Variants in MAGI2 observed in about 807,000 individuals in gnomAD.
MAGI2 encodes the protein membrane associated guanylate kinase, WW and PDZ domain containing 2.
In MAGI2, 35 loss-of-function variants were observed where a neutral mutation model predicts 133.3. That is an observed-to-expected ratio of 0.26 (90% CI 0.20 to 0.35). The LOEUF is 0.35. MAGI2 is among the 10% of genes least tolerant of loss of function. MAGI2 has a pLI of 1.00. For missense variants in MAGI2, 1,636 were observed against 1,863.4 expected, an observed-to-expected ratio of 0.88 and a Z score of 2.25; for synonymous variants, 729 against 710.6, an observed-to-expected ratio of 1.03 and a Z score of -0.41.
intron 1 of MAGI2, among the ~76,000 whole-genome samples, chr7:79,222,437 C>T (rs1830510309): frequency 6.6e-6 from 1 of 151,884 alleles, no homozygotes; most frequent in African/African-American, 2.4e-5. Flanking sequence ...GACCTAGGAC[C>T]AAGGAAAACA....
rs150734840 is a variant in MAGI2 at position 78,426,470 on chromosome 7, C to T, written c.1046-57257G>A. Among the ~76,000 whole-genome samples, 874 of 151,594 alleles carry T rather than the reference C, an allele frequency of 5.8e-3. 27 individuals are homozygous for T. Among genetic ancestry groups the T allele is most frequent in the Admixed American group, 0.038 (585 of 15,220 alleles). On this transcript the variant is annotated intron_variant, in intron 6 of 21. Coordinates refer to ENST00000354212, the MANE Select transcript of MAGI2 (RefSeq NM_012301.4). ...GGGGACTGTTGTGGGGTGGGGGGAG[C>T]GCGGAGGGATAGCATTGGGAGATAT...
At chr7:78,595,297 T>C (rs1408341521) in intron 3 of MAGI2, among the ~76,000 whole-genome samples, 4 of 152,174 alleles carry the variant, frequency 2.6e-5, no homozygotes, top group Non-Finnish European at 5.9e-5. Context: ...ATATAACCTA[T>C]GGAAAGGCAA....
chr7:78,800,373 T>C lies in MAGI2; in HGVS notation c.419-173134A>G, dbSNP rs565609410. ...TCAGGGATCCAGGCCTTCCATATTGTGGCTCCCTTCTCCTCTAAGCCTTTG... is the reference window on the plus strand; with the variant it reads ...TCAGGGATCCAGGCCTTCCATATTGCGGCTCCCTTCTCCTCTAAGCCTTTG... On this transcript the variant is annotated intron_variant, in intron 2 of 21. Coordinates refer to ENST00000354212, the MANE Select transcript of MAGI2 (RefSeq NM_012301.4). 2.8e-4 allele frequency among the ~76,000 whole-genome samples: 42 copies of C among 152,256 alleles called. 1 individual carries two copies. The South Asian group carries it at 6.0e-3, about 22-fold the overall frequency.
intron 9 of MAGI2, among the ~76,000 whole-genome samples, chr7:78,285,235 C>T (rs184749898): frequency 1.3e-5 from 2 of 152,060 alleles, no homozygotes; most frequent in East Asian, 3.9e-4. Context: ...ATCTAGGTTA[C>T]GCATCCAAAA....
intron 1 of MAGI2, among the ~76,000 whole-genome samples, chr7:79,378,926 G>GTATATATATATATA (rs59388508): frequency 1.9e-4 from 18 of 94,588 alleles, no homozygotes; most frequent in African/African-American, 2.9e-4. Context: ...ATGTGTGTGT[G>GTATATATATATATA]TATATATATA....
At chr7:78,278,111 TCA>T (rs981209861) in intron 9 of MAGI2, among the ~76,000 whole-genome samples, 2 of 152,050 alleles carry the variant, frequency 1.3e-5, no homozygotes, top group African/African-American at 4.8e-5. Flanking sequence ...ATAAGGAAAC[TCA>T]CATCATTATT....
rs574320145 is a variant in MAGI2, at chr7:78,297,305, CA to C, written c.1409-40725del. Among the ~76,000 whole-genome samples, 211 of 149,382 alleles carry C rather than the reference CA, an allele frequency of 1.4e-3. 3 individuals carry two copies. Among genetic ancestry groups the C allele is most frequent in the African/African-American group, 5.0e-3 (199 of 39,716 alleles). ...TACCATCTCACACCAGTTAGAATGG[CA>C]ATCATTAAAAAGTCAGGAAACAACA... On this transcript the variant is annotated intron_variant, in intron 9 of 21. Transcript: ENST00000354212.
chr7:78,570,007 G>T (rs1034809226), intron 3 of MAGI2, among the ~76,000 whole-genome samples: 1 of 152,062 alleles, frequency 6.6e-6, no homozygotes, highest in African/African-American at 2.4e-5. Context: ...GTATTCTATT[G>T]CTTAGATATT....
At chr7:78,050,740 C>T (rs186611363) in intron 21 of MAGI2, among the ~76,000 whole-genome samples, 8 of 152,180 alleles carry the variant, frequency 5.3e-5, no homozygotes, top group African/African-American at 9.6e-5. Flanking sequence ...AAGGCATTCT[C>T]GGGGGCCTGT....
intron 1 of MAGI2, among the ~76,000 whole-genome samples, chr7:79,032,833 C>G (rs1419670169): frequency 1.5e-5 from 2 of 131,728 alleles, no homozygotes; most frequent in African/African-American, 6.6e-5. Flanking sequence ...AACTTTTAAA[C>G]TTTTCTAAAA....
chr7:78,674,034 A>T (rs1052691236), intron 2 of MAGI2, among the ~76,000 whole-genome samples: 2 of 152,184 alleles, frequency 1.3e-5, no homozygotes, highest in African/African-American at 4.8e-5. Context: ...CAAATGACCC[A>T]CTGGCTTAAA....
chr7:78,215,549 A>AT (rs994986036), intron 10 of MAGI2, among the ~76,000 whole-genome samples: 3 of 152,124 alleles, frequency 2.0e-5, no homozygotes, highest in African/African-American at 7.2e-5. Flanking sequence ...TAGAGTGATG[A>AT]TTTTTTGGGA....
At chr7:78,603,583 C>T (rs570618675) in intron 3 of MAGI2, among the ~76,000 whole-genome samples, 66 of 152,220 alleles carry the variant, frequency 4.3e-4, no homozygotes, top group Middle Eastern at 3.4e-3. Flanking sequence ...GAGTGCACGA[C>T]GCGATGTCAG....
chr7:79,422,676 T>TC (rs553366550), intron 1 of MAGI2, among the ~76,000 whole-genome samples: 20 of 152,180 alleles, frequency 1.3e-4, no homozygotes, highest in African/African-American at 3.6e-4. Context: ...GGTTTGTTTT[T>TC]CACTTGCTTG....
rs17150423 is a variant in MAGI2, at chr7:78,260,266, C to T, written c.1409-3685G>A. 7.0e-3 allele frequency among the ~76,000 whole-genome samples: 1,062 copies of T among 152,196 alleles called. 30 individuals are homozygous for T. The highest frequency in any genetic ancestry group is 0.062 in the East Asian group (323 of 5,174). ...TGCTGTATGAATGTCATTTACATGT[C>T]GTGAAATAAAAATATAAGACACCTG... On this transcript the variant is annotated intron_variant, in intron 9 of 21. Transcript: ENST00000354212.
chr7:78,808,257 T>G (rs1272911807), intron 2 of MAGI2, among the ~76,000 whole-genome samples: 1 of 152,118 alleles, frequency 6.6e-6, no homozygotes, highest in Non-Finnish European at 1.5e-5. Context: ...ATTTACTTTT[T>G]AATTTATTAT....
chr7:78,572,364 C>G (rs1801590369), intron 3 of MAGI2, among the ~76,000 whole-genome samples: 1 of 152,062 alleles, frequency 6.6e-6, no homozygotes, highest in South Asian at 2.1e-4. Context: ...GTAAGTCTAA[C>G]TTTCATCCTT....
At position 79,077,819 on chromosome 7, in the gene MAGI2, G is replaced by T. The variant is rs542119716; in HGVS notation, c.302-70613C>A. On this transcript the variant is annotated intron_variant, in intron 1 of 21. Coordinates refer to ENST00000354212, the MANE Select transcript of MAGI2 (RefSeq NM_012301.4). Reference sequence around the variant, plus strand: ...TATATTTACATGGATGTACTGTATAGTACACTATAGTCTAATCAGTGCTAG... The same window carrying T: ...TATATTTACATGGATGTACTGTATATTACACTATAGTCTAATCAGTGCTAG... Among the ~76,000 whole-genome samples, 5 of 151,996 alleles carry T rather than the reference G, an allele frequency of 3.3e-5. No homozygotes were observed. The East Asian group carries it at 9.7e-4, about 29-fold the overall frequency.
At position 78,125,856 on chromosome 7, in the gene MAGI2, A is replaced by T. The variant is rs753119488; in HGVS notation, c.3424-19T>A. 3 of 1,611,792 alleles carry T rather than the reference A, an allele frequency of 1.9e-6. No individual in the cohort carries two copies. Among genetic ancestry groups the T allele is most frequent in the Non-Finnish European group, 2.5e-6 (3 of 1,178,420 alleles). On this transcript the variant is annotated intron_variant, in intron 19 of 21. Transcript: ENST00000354212. Reference sequence around the variant, plus strand: ...CAAAATCCTTTGGGGTTGGGGAGAAAATGGAATAAATAATTATTTAGTTAT... The same window carrying T: ...CAAAATCCTTTGGGGTTGGGGAGAATATGGAATAAATAATTATTTAGTTAT...
Sources: gnomAD v4.1 joint callset for allele counts (sites outside exome capture counted in the v4.1 genomes callset) on GRCh38, gnomAD v4.1.1 for gene constraint, MANE v1.5 for transcripts, NCBI Gene and HGNC (gene_info 2026-07-23, HGNC 2026-07-21) for gene names.